The following PELI2 variants were observed in gnomAD, a reference collection of about 807,000 sequenced individuals.
The protein encoded by PELI2 is E3 ubiquitin-protein ligase pellino homolog 2.
In PELI2, 23 loss-of-function variants were observed where a neutral mutation model predicts 42.3. The observed-to-expected ratio is 0.54, with a 90% CI of 0.39 to 0.77. The LOEUF (loss-of-function observed/expected upper bound fraction) is 0.77, where lower values mean the gene tolerates loss of function less well. Ranked by LOEUF, PELI2 falls within the 30% of genes least tolerant of loss-of-function variation. The pLI is 0.00. For missense variants in PELI2, 463 were observed against 553.2 expected (o/e 0.84, Z 1.64); for synonymous variants, 245 against 212.2 (o/e 1.15, Z -1.34).
chr14:56,217,943 G>A (rs1049884980), intron 2 of PELI2, among the ~76,000 whole-genome samples: 1 of 152,176 alleles, frequency 6.6e-6, no homozygotes, highest in Non-Finnish European at 1.5e-5. Context: ...ATTCACCAGG[G>A]AAGCACTCTG....
intron 2 of PELI2, among the ~76,000 whole-genome samples, chr14:56,187,628 G>A (rs12590856): frequency 0.095 from 14,477 of 152,204 alleles, 855 homozygotes; most frequent in Non-Finnish European, 0.13. Context: ...GTTAAAGTGC[G>A]TGATTGGCCT....
intron 2 of PELI2, among the ~76,000 whole-genome samples, chr14:56,277,139 A>G (rs1393892618): frequency 1.3e-5 from 2 of 152,102 alleles, no homozygotes; most frequent in African/African-American, 4.8e-5. Context: ...TGTCTCTAGG[A>G]CAGAAATCTC....
intron 2 of PELI2, among the ~76,000 whole-genome samples, chr14:56,231,760 G>C (rs1330228817): frequency 6.6e-6 from 1 of 152,178 alleles, no homozygotes; most frequent in Non-Finnish European, 1.5e-5. Flanking sequence ...ACTAAGATCA[G>C]AGCATAACTG....
At chr14:56,260,175 A>G (rs2139834308) in intron 2 of PELI2, among the ~76,000 whole-genome samples, 1 of 152,248 alleles carries the variant, frequency 6.6e-6, no homozygotes, top group East Asian at 1.9e-4. Context: ...TTTACCCAGG[A>G]GAAATGTATA....
chr14:56,176,634 C>G (rs1429968607), intron 1 of PELI2, among the ~76,000 whole-genome samples: 2 of 152,170 alleles, frequency 1.3e-5, no homozygotes, highest in African/African-American at 2.4e-5. Context: ...GAATGACTCT[C>G]TGGTTTGGCC....
chr14:56,193,914 C>T (rs185384303), intron 2 of PELI2, among the ~76,000 whole-genome samples: 1 of 152,224 alleles, frequency 6.6e-6, no homozygotes, highest in Admixed American at 6.5e-5. Context: ...TTCACTTTTC[C>T]CAATGTGAAA....
At chr14:56,285,361 G>A (rs1166740279) in intron 3 of PELI2, among the ~76,000 whole-genome samples, 1 of 152,190 alleles carries the variant, frequency 6.6e-6, no homozygotes, top group East Asian at 1.9e-4. Flanking sequence ...GTCAGTCATT[G>A]ATATAGGGAA....
rs1291782618 is a variant in PELI2, at chr14:56,263,092, G to T, written c.208-16584G>T. Among the ~76,000 whole-genome samples, 7 of 152,076 alleles carry T rather than the reference G, an allele frequency of 4.6e-5. No individual in the cohort carries two copies. The East Asian group carries it at 1.4e-3, about 29-fold the overall frequency. ...CTGCCTCAGCCTCCCAAGTAGCTGG[G>T]ATTACGGGCGCCTGCCACCATGCCT... On this transcript the variant is annotated intron_variant, in intron 2 of 5. Transcript: ENST00000267460.
chr14:56,190,032 T>G (rs1330910270), intron 2 of PELI2, among the ~76,000 whole-genome samples: 2 of 152,252 alleles, frequency 1.3e-5, no homozygotes, highest in African/African-American at 4.8e-5. Context: ...TTAGTTTCAT[T>G]TCTTGCATTT....
intron 3 of PELI2, among the ~76,000 whole-genome samples, chr14:56,285,157 T>C (rs1384557677): frequency 6.6e-6 from 1 of 152,152 alleles, no homozygotes; most frequent in African/African-American, 2.4e-5. Flanking sequence ...GGAGACCAGT[T>C]TGGAGGCTAA....
intron 1 of PELI2, among the ~76,000 whole-genome samples, chr14:56,122,825 T>A (rs1341793322): frequency 6.6e-6 from 1 of 152,230 alleles, no homozygotes; most frequent in African/African-American, 2.4e-5. Context: ...TTTAATGCAT[T>A]ATTACAGAAG....
rs970128913 is a variant in PELI2 at position 56,156,090 on chromosome 14, C to T, written c.78-22245C>T. On this transcript the variant is annotated intron_variant, in intron 1 of 5. Coordinates refer to ENST00000267460, the MANE Select transcript of PELI2 (RefSeq NM_021255.3). ...ACATCTACTGTTTTATCTTTAATTA[C>T]GTGAAATAAATATTGTTTTATTCTT... 9.2e-5 allele frequency among the ~76,000 whole-genome samples: 14 copies of T among 151,914 alleles called. No homozygotes were observed. In the South Asian group the frequency reaches 1.2e-3, roughly 14 times the overall value.
At chr14:56,237,643 T>C (rs1887843820) in intron 2 of PELI2, among the ~76,000 whole-genome samples, 1 of 150,996 alleles carries the variant, frequency 6.6e-6, no homozygotes, top group African/African-American at 2.4e-5. Flanking sequence ...GAGGTAAATC[T>C]CCATCCCCAA....
At chr14:56,153,790 C>T (rs940089434) in intron 1 of PELI2, among the ~76,000 whole-genome samples, 2 of 152,020 alleles carry the variant, frequency 1.3e-5, no homozygotes, top group Non-Finnish European at 2.9e-5. Flanking sequence ...CCTGAAAAAC[C>T]GAGTTCTTTT....
intron 2 of PELI2, among the ~76,000 whole-genome samples, chr14:56,217,483 C>T (rs12888145): frequency 0.4 from 60,923 of 152,146 alleles, 13,050 homozygotes; most frequent in South Asian, 0.53. Context: ...GGACTGCGTC[C>T]GGCTTGGCCA....
intron 2 of PELI2, among the ~76,000 whole-genome samples, chr14:56,185,301 G>A (rs532582306): frequency 3.9e-5 from 6 of 152,104 alleles, no homozygotes; most frequent in South Asian, 4.2e-4. Flanking sequence ...TAATTCTGTC[G>A]TTGCAAATAA....
intron 2 of PELI2, among the ~76,000 whole-genome samples, chr14:56,183,247 A>G (rs1198586485): frequency 1.3e-5 from 2 of 152,212 alleles, no homozygotes; most frequent in African/African-American, 4.8e-5. Flanking sequence ...AAAAAATAAC[A>G]GTAATAAAAC....
In PELI2 at chr14:56,197,932, C is replaced by T. The variant is rs920486653; in HGVS notation, c.207+19468C>T. 1.3e-5 allele frequency among the ~76,000 whole-genome samples: 2 copies of T among 148,938 alleles called. No homozygotes were observed. Among genetic ancestry groups the T allele is most frequent in the Non-Finnish European group, 3.0e-5 (2 of 67,068 alleles). ...ACTGGTGAAGACACACACACACACA[C>T]ACACACACACACACACCAGGGATCA... On this transcript the variant is annotated intron_variant, in intron 2 of 5. Coordinates refer to ENST00000267460, the MANE Select transcript of PELI2 (RefSeq NM_021255.3). This position sits in a 1 kb window ranked among gnomAD's most constrained non-coding sequence, Gnocchi z 4.9.
intron 1 of PELI2, among the ~76,000 whole-genome samples, chr14:56,151,083 A>G (rs1186609901): frequency 6.6e-6 from 1 of 152,220 alleles, no homozygotes; most frequent in East Asian, 1.9e-4. Context: ...GAAAAATGAG[A>G]TTGAAGTAGG....
Sources: allele counts gnomAD v4.1 joint callset (sites outside exome capture counted in the v4.1 genomes callset), GRCh38; gene constraint gnomAD v4.1.1; non-coding constraint Gnocchi (gnomAD v3.1); transcripts MANE v1.5; gene names NCBI Gene and HGNC (gene_info 2026-07-23, HGNC 2026-07-21).